SWAP70: variants seen among roughly 807,000 people sequenced by gnomAD.
The protein encoded by SWAP70 is switching B cell complex subunit SWAP70, also known as switch-associated protein 70.
In SWAP70, 34 loss-of-function variants were observed where a neutral mutation model predicts 80.2. That is an observed-to-expected ratio of 0.42 (90% CI 0.32 to 0.56). The LOEUF is 0.56. SWAP70 is among the 20% of genes least tolerant of loss of function. The pLI, the probability that SWAP70 is intolerant of heterozygous loss-of-function variation, is 0.09. For synonymous variants in SWAP70, 239 were observed against 238.5 expected, an observed-to-expected ratio of 1.00 and a Z score of -0.02; for missense variants, 578 against 690.7, an observed-to-expected ratio of 0.84 and a Z score of 1.83.
chr11:9,743,964 A>ATTTTTTTTTTT (rs71034739), intron 9 of SWAP70, among the ~76,000 whole-genome samples: 1 of 146,638 alleles, frequency 6.8e-6, no homozygotes. Flanking sequence ...AGATCTTGTA[A>ATTTTTTTTTTT]TTTTTTTTTT....
chr11:9,749,158 A>G lies in SWAP70; in HGVS notation c.1626A>G (p.Glu542=). ...KSWKDKVAHH[E]GLIRLIEPGS... ...GGAAGGACAAAGTGGCCCATCATGA[A>G]GGATTAATTCGACTGATAGAACCAG... The change falls in exon 11 of 12, where the codon GAA becomes GAG. Residue 542 remains glutamate, a synonymous_variant. Transcript: ENST00000318950. 1 of 1,611,430 alleles carries G rather than the reference A, an allele frequency of 6.2e-7. No individual in the cohort carries two copies. The highest frequency in any genetic ancestry group is 8.5e-7 in the Non-Finnish European group (1 of 1,178,340).
At position 9,732,531 on chromosome 11, in the gene SWAP70, A is replaced by T. The variant is rs771677612; in HGVS notation, c.901A>T (p.Ile301Phe). 18 of 1,604,200 alleles carry T rather than the reference A, an allele frequency of 1.1e-5. No individual in the cohort carries two copies. The Admixed American group carries it at 3.0e-4, about 27-fold the overall frequency. ...TTTTCCTCCTACACCTTTTACAGCC[A>T]TTCATTCTACTATTCATCTGTTGAA... ...KKKKQEWIQA[I>F]HSTIHLLKLG... is the part of the protein sequence containing the mutation. The change falls in exon 7 of 12, where the codon ATT becomes TTT. Residue 301 changes from isoleucine to phenylalanine, a missense_variant and splice_region_variant. Ile to Phe is a conservative substitution (Grantham distance 21). Coordinates refer to ENST00000318950, the MANE Select transcript of SWAP70 (RefSeq NM_015055.4).
intron 2 of SWAP70, among the ~76,000 whole-genome samples, chr11:9,698,041 T>C (rs964513491): frequency 2.6e-5 from 4 of 151,824 alleles, no homozygotes; most frequent in Non-Finnish European, 5.9e-5. Context: ...CCACCTGGGC[T>C]TACCACAGTC....
chr11:9,730,976 T>C (rs1851291150), intron 6 of SWAP70, among the ~76,000 whole-genome samples: 2 of 152,178 alleles, frequency 1.3e-5, no homozygotes, highest in Non-Finnish European at 2.9e-5. Flanking sequence ...GTTGCCACTT[T>C]TATGTCCATG....
At position 9,718,665 on chromosome 11, in the gene SWAP70, G is replaced by A. The variant is rs1392511380; in HGVS notation, c.414+5026G>A. 2.2e-5 allele frequency among the ~76,000 whole-genome samples: 3 copies of A among 135,640 alleles called. No individual in the cohort carries two copies. The East Asian group carries it at 6.0e-4, about 27-fold the overall frequency. The allele number at this position is 135,640 out of a possible 152,430, so 89.0% of individuals were successfully genotyped here. A position where few individuals can be genotyped will look rare whatever the true frequency, so the allele number is the denominator to read the frequency against. ...CATAATTTTTCATGAACATATAGGT[G>A]GGTTTAACTTGTTATCAGTAGTTTT... On this transcript the variant is annotated intron_variant, in intron 3 of 11. Coordinates refer to ENST00000318950, the MANE Select transcript of SWAP70 (RefSeq NM_015055.4).
At chr11:9,730,801 C>G (rs920592579) in intron 6 of SWAP70, among the ~76,000 whole-genome samples, 1 of 152,122 alleles carries the variant, frequency 6.6e-6, no homozygotes, top group African/African-American at 2.4e-5. Flanking sequence ...ATTTTAGATT[C>G]AGGGGTACAT....
At chr11:9,699,638 T>G (rs936939750) in intron 2 of SWAP70, among the ~76,000 whole-genome samples, 2 of 152,114 alleles carry the variant, frequency 1.3e-5, no homozygotes, top group African/African-American at 4.8e-5. Context: ...GAGCATCATT[T>G]GAGCCCAGGA....
At chr11:9,725,569 ATTTTTTTTTT>A (rs746391271) in intron 4 of SWAP70, among the ~76,000 whole-genome samples, 1 of 26,616 alleles carries the variant, frequency 3.8e-5, no homozygotes, top group African/African-American at 1.6e-4. Context: ...ATATATATAT[ATTTTTTTTTT>A]TTTTTTTTTC....
chr11:9,678,184 T>G (rs1850524067), intron 1 of SWAP70, among the ~76,000 whole-genome samples: 1 of 152,156 alleles, frequency 6.6e-6, no homozygotes, highest in African/African-American at 2.4e-5. Context: ...TGGTAAAAGG[T>G]TCTATTGAGG....
chr11:9,681,254 C>T (rs914514939), intron 1 of SWAP70: 1 of 152,146 alleles, frequency 6.6e-6, no homozygotes, highest in Non-Finnish European at 1.5e-5. Flanking sequence ...GCAAGAGCCT[C>T]AACTTGGAGT....
At chr11:9,730,900 C>T (rs931699846) in intron 6 of SWAP70, among the ~76,000 whole-genome samples, 2 of 152,188 alleles carry the variant, frequency 1.3e-5, no homozygotes, top group South Asian at 4.1e-4. Context: ...TTGTACCCAA[C>T]AGCTAGAGTT....
intron 1 of SWAP70, among the ~76,000 whole-genome samples, chr11:9,689,359 TA>T (rs1380414125): frequency 6.6e-6 from 1 of 152,182 alleles, no homozygotes; most frequent in African/African-American, 2.4e-5. Context: ...TGCAGTTAAT[TA>T]GTCATCTTGT....
intron 9 of SWAP70, among the ~76,000 whole-genome samples, chr11:9,744,047 C>A (rs1459004439): frequency 1.3e-5 from 2 of 151,240 alleles, no homozygotes; most frequent in African/African-American, 4.9e-5. Context: ...ACTGCAAGCT[C>A]TGCCTCCCAG....
intron 2 of SWAP70, among the ~76,000 whole-genome samples, 181 bp downstream of exon 2, chr11:9,694,467 G>A (rs943981352): frequency 3.9e-5 from 6 of 152,086 alleles, no homozygotes; most frequent in Admixed American, 1.3e-4. Flanking sequence ...CTCCTCCACT[G>A]TCTTCTAAAC....
chr11:9,711,923 A>G (rs949793308), intron 2 of SWAP70, among the ~76,000 whole-genome samples: 4 of 152,170 alleles, frequency 2.6e-5, no homozygotes, highest in Non-Finnish European at 5.9e-5. Flanking sequence ...TGCCCCATTC[A>G]CATTAAATAC....
chr11:9,700,059 C>A (rs1850812579), intron 2 of SWAP70, among the ~76,000 whole-genome samples: 2 of 151,962 alleles, frequency 1.3e-5, no homozygotes, highest in Admixed American at 6.6e-5. Flanking sequence ...AAGTGCTGCA[C>A]CCTACTACTG....
chr11:9,725,254 A>G (rs990108204), intron 4 of SWAP70, among the ~76,000 whole-genome samples: 1 of 151,972 alleles, frequency 6.6e-6, no homozygotes, highest in African/African-American at 2.4e-5. Flanking sequence ...CTGGGATTAC[A>G]GGTGTGACCC....
chr11:9,716,674 C>T (rs2649048), intron 3 of SWAP70, among the ~76,000 whole-genome samples: 49,617 of 151,994 alleles, frequency 0.33, 8,349 homozygotes, highest in Non-Finnish European at 0.35. Context: ...ATGAACAAAT[C>T]TGGGACATAT....
chr11:9,678,967 T>C (rs1850535113), intron 1 of SWAP70, among the ~76,000 whole-genome samples: 2 of 152,194 alleles, frequency 1.3e-5, no homozygotes, highest in South Asian at 4.1e-4. Flanking sequence ...CCTGCTCTAC[T>C]TTCTGCTTCA....
Sources: allele counts gnomAD v4.1 joint callset (sites outside exome capture counted in the v4.1 genomes callset), GRCh38; gene constraint gnomAD v4.1.1; transcripts MANE v1.5; gene names NCBI Gene and HGNC (gene_info 2026-07-23, HGNC 2026-07-21).